FBN2: variants seen among roughly 807,000 people sequenced by gnomAD.
The protein encoded by FBN2 is fibrillin 2, also known as fibrillin-2.
A neutral mutation model predicts 355.6 loss-of-function variants in FBN2; 105 were observed. The observed-to-expected ratio is 0.30, with a 90% CI of 0.25 to 0.35. The LOEUF is 0.35. Among genes scored for constraint, FBN2 ranks in the 10% least tolerant of loss-of-function variants. The pLI is 1.00. For synonymous variants in FBN2, 1,350 were observed against 1,301.2 expected (o/e 1.04, Z -0.81); for missense variants, 3,280 against 3,758.7 (o/e 0.87, Z 3.33).
chr5:128,268,282 G>C (rs1022590275), intron 62 of FBN2, among the ~76,000 whole-genome samples: 2 of 152,140 alleles, frequency 1.3e-5, no homozygotes, highest in Non-Finnish European at 1.5e-5. Context: ...AGAAGAAATG[G>C]ATAAATTCCT....
intron 7 of FBN2, among the ~76,000 whole-genome samples, chr5:128,444,180 C>A (rs1336403290): frequency 6.9e-6 from 1 of 145,812 alleles, no homozygotes; most frequent in Admixed American, 7.1e-5. Context: ...TCACGCCATT[C>A]TCCTGCCTCA....
At chr5:128,482,433 A>G (rs1001056118) in intron 5 of FBN2, among the ~76,000 whole-genome samples, 4 of 152,008 alleles carry the variant, frequency 2.6e-5, no homozygotes, top group Non-Finnish European at 5.9e-5. Flanking sequence ...TCAATGATCT[A>G]CCCAATGCAT....
At chr5:128,339,240 C>T (rs1750933010) in intron 25 of FBN2, 179 bp from the exon 26 acceptor site, 1 of 609,496 alleles carries the variant, frequency 1.6e-6, no homozygotes, top group African/African-American at 1.8e-5. Context: ...TCCCCAACTG[C>T]CAAAACTGCC....
At chr5:128,467,259 T>C (rs964951644) in intron 5 of FBN2, among the ~76,000 whole-genome samples, 7 of 152,174 alleles carry the variant, frequency 4.6e-5, no homozygotes, top group Non-Finnish European at 1.0e-4. Flanking sequence ...AAGTCACTAA[T>C]TAAGGCAACC....
chr5:128,452,760 G>A (rs1327338992), intron 6 of FBN2, among the ~76,000 whole-genome samples: 4 of 151,980 alleles, frequency 2.6e-5, no homozygotes, highest in Non-Finnish European at 5.9e-5. Context: ...GGGGATACAG[G>A]TGCGGGTTTG....
In FBN2 at chr5:128,390,334, T is replaced by C. The variant is rs569756378; in HGVS notation, c.1603+1684A>G. The stretch of plus-strand genomic sequence containing the variant: ...TGAGATCCTTTCAGAGTGAGTTTGA[T>C]TCAAAACTATTTTCACAATCATATT... On this transcript the variant is annotated intron_variant, in intron 11 of 64. Transcript: ENST00000262464. Among the ~76,000 whole-genome samples, 11 of 152,250 alleles carry C rather than the reference T, an allele frequency of 7.2e-5. No individual in the cohort carries two copies. The South Asian group carries it at 2.1e-3, about 29-fold the overall frequency.
At chr5:128,523,478 T>A (rs562109559) in intron 4 of FBN2, among the ~76,000 whole-genome samples, 1 of 152,246 alleles carries the variant, frequency 6.6e-6, no homozygotes, top group South Asian at 2.1e-4. Context: ...TTCCTAATGA[T>A]CTTTATCTAA....
At chr5:128,483,566 C>CA (rs1755254440) in intron 5 of FBN2, among the ~76,000 whole-genome samples, 1 of 151,778 alleles carries the variant, frequency 6.6e-6, no homozygotes, top group African/African-American at 2.4e-5. Flanking sequence ...AGATTTGGGG[C>CA]AGCAGACTCA....
At chr5:128,314,932 C>T (rs967231328) in intron 36 of FBN2, among the ~76,000 whole-genome samples, 2 of 152,138 alleles carry the variant, frequency 1.3e-5, no homozygotes, top group Admixed American at 6.6e-5. Flanking sequence ...AAACCCTCCT[C>T]TCCAAAAATG....
chr5:128,301,302 T>C, intron 47 of FBN2, 80 bp downstream of exon 47: 1 of 1,243,740 alleles, frequency 8.0e-7, no homozygotes, highest in Middle Eastern at 1.9e-4. Context: ...TAATGAGTTC[T>C]TAAGTGAAAG....
intron 5 of FBN2, among the ~76,000 whole-genome samples, chr5:128,517,567 T>C (rs78409309): frequency 0.11 from 16,079 of 152,122 alleles, 1,018 homozygotes; most frequent in African/African-American, 0.18. Context: ...CCAAGAAATC[T>C]CAATTACATT....
At chr5:128,467,011 T>A (rs549044526) in intron 5 of FBN2, among the ~76,000 whole-genome samples, 55 of 152,154 alleles carry the variant, frequency 3.6e-4, no homozygotes, top group Admixed American at 1.3e-4. Flanking sequence ...ACACATATTG[T>A]TTTTAGGTCA....
rs548212862 is a variant in FBN2 at position 128,372,615 on chromosome 5, C to T, written c.2095+2013G>A. 7.3e-4 allele frequency among the ~76,000 whole-genome samples: 111 copies of T among 152,218 alleles called. 2 individuals carry two copies. The highest frequency in any genetic ancestry group is 7.1e-3 in the Admixed American group (109 of 15,284). The stretch of plus-strand genomic sequence containing the variant: ...CAGGCAATCCTCCTGCCTCAGCCTC[C>T]CAAGTAGCTGGAATTATAGGCACAT... On this transcript the variant is annotated intron_variant, in intron 15 of 64. Coordinates refer to ENST00000262464, the MANE Select transcript of FBN2 (RefSeq NM_001999.4).
chr5:128,295,278 C>T (rs1302590266), intron 48 of FBN2, among the ~76,000 whole-genome samples: 1 of 151,914 alleles, frequency 6.6e-6, no homozygotes, highest in African/African-American at 2.4e-5. Flanking sequence ...GTGATGCCTC[C>T]AGCTTTGTTC....
At chr5:128,281,594 T>C (rs1765545909) in intron 55 of FBN2, among the ~76,000 whole-genome samples, 1 of 152,214 alleles carries the variant, frequency 6.6e-6, no homozygotes, top group African/African-American at 2.4e-5. Flanking sequence ...TAATGAGGCT[T>C]ACTGGTTTCT....
At position 128,395,389 on chromosome 5, in the gene FBN2, A is replaced by G; in HGVS notation, c.1079-115T>C. 5.5e-6 allele frequency: 6 copies of G among 1,096,258 alleles called. No homozygotes were observed. In the South Asian group the frequency reaches 6.6e-5, roughly 12 times the overall value. 67.9% of individuals were successfully genotyped at this position (1,096,258 alleles called of 1,614,324 possible). A position where few individuals can be genotyped will look rare whatever the true frequency, so the allele number is the denominator to read the frequency against. On this transcript the variant is annotated intron_variant, in intron 8 of 64. Coordinates refer to ENST00000262464, the MANE Select transcript of FBN2 (RefSeq NM_001999.4). ...TGACTCATACCACTTAATCTCTGTTATCTATTCCTTTCTTCACTCTCTTAA... is the reference window on the plus strand; with the variant it reads ...TGACTCATACCACTTAATCTCTGTTGTCTATTCCTTTCTTCACTCTCTTAA...
chr5:128,484,748 A>G (rs779626756), intron 5 of FBN2, among the ~76,000 whole-genome samples: 14 of 152,202 alleles, frequency 9.2e-5, no homozygotes, highest in Non-Finnish European at 1.9e-4. Context: ...AAAGTGAGAC[A>G]CAGAGAGAGG....
At chr5:128,426,358 T>C (rs752659587) in intron 7 of FBN2, among the ~76,000 whole-genome samples, 3 of 152,232 alleles carry the variant, frequency 2.0e-5, no homozygotes, top group Non-Finnish European at 2.9e-5. Context: ...TGCTGTTTGA[T>C]GATTTATGCA....
At position 128,392,148 on chromosome 5, in the gene FBN2, C is replaced by G. The variant is rs1350951323; in HGVS notation, c.1473G>C (p.Leu491=). 10 of 1,613,200 alleles carry G rather than the reference C, an allele frequency of 6.2e-6. No individual in the cohort carries two copies. The highest frequency in any genetic ancestry group is 6.8e-6 in the Non-Finnish European group (8 of 1,179,494). ...QGPIITGLTI[L]NQTIDICKHH... The stretch of plus-strand genomic sequence containing the variant: ...GCTTACAGATATCTATTGTCTGGTT[C>G]AGAATTGCTACGGAAAATTAAAGCA... Residue 491 remains leucine, a synonymous_variant, in exon 11 of 65, where the codon CTG becomes CTC. Coordinates refer to ENST00000262464, the MANE Select transcript of FBN2 (RefSeq NM_001999.4).
Sources: gnomAD v4.1 joint callset for allele counts (sites outside exome capture counted in the v4.1 genomes callset) on GRCh38, gnomAD v4.1.1 for gene constraint, MANE v1.5 for transcripts, NCBI Gene and HGNC (gene_info 2026-07-23, HGNC 2026-07-21) for gene names.